The following LOXL3 variants were observed in gnomAD, a reference collection of about 807,000 sequenced individuals.
The protein encoded by LOXL3 is lysyl oxidase like 3, also known as lysyl oxidase homolog 3.
A neutral mutation model predicts 91.8 loss-of-function variants in LOXL3; 60 were observed. The observed-to-expected ratio is 0.65, with a 90% CI of 0.53 to 0.81. LOXL3 has a LOEUF of 0.81. LOXL3 is among the 30% of genes least tolerant of loss of function. The pLI is 0.00. For synonymous variants in LOXL3, 355 were observed against 387.6 expected, an observed-to-expected ratio of 0.92 and a Z score of 0.99; for missense variants, 874 against 1,000.4, an observed-to-expected ratio of 0.87 and a Z score of 1.70.
Position 74,533,227 on chromosome 2 carries a change from AAGGCTAG to A in LOXL3, c.*372_*378del, listed in dbSNP as rs1247716659. 1 of 564,600 alleles carries A rather than the reference AAGGCTAG, an allele frequency of 1.8e-6. No individual in the cohort carries two copies. Among genetic ancestry groups the A allele is most frequent in the Non-Finnish European group, 3.1e-6 (1 of 318,114 alleles). The allele number at this position is 564,600 out of a possible 1,614,324, so 35.0% of individuals were successfully genotyped here. On this transcript the variant is annotated 3_prime_UTR_variant, in exon 14 of 14. Coordinates refer to ENST00000264094, the MANE Select transcript of LOXL3 (RefSeq NM_032603.5). ...AGGGCTGGATCTTTTCCCCCACCAA[AAGGCTAG>A]AGGTAAAGCTGTATCCCCCTAAACT...
chr2:74,536,557 G>T lies in LOXL3; in HGVS notation c.913-86C>A. ...AGACCTGGGAGATGAGTGAGACTTT[G>T]GTGGAAGGGAGTGGGTGGTATCAGG... On this transcript the variant is annotated intron_variant, in intron 5 of 13. Transcript: ENST00000264094. The surrounding 1 kb of genome is among the most constrained non-coding windows in gnomAD (Gnocchi z 4.5). 6.7e-7 allele frequency: 1 copy of T among 1,486,760 alleles called. No individual in the cohort carries two copies. Among genetic ancestry groups the T allele is most frequent in the Non-Finnish European group, 9.1e-7 (1 of 1,093,250 alleles). The allele number at this position is 1,486,760 out of a possible 1,614,324, so 92.1% of individuals were successfully genotyped here. A position where few individuals can be genotyped will look rare whatever the true frequency, so the allele number is the denominator to read the frequency against.
At position 74,533,015 on chromosome 2, in the gene LOXL3, T is replaced by C. The variant is rs962099375; in HGVS notation, c.*591A>G. On this transcript the variant is annotated 3_prime_UTR_variant, in exon 14 of 14. Coordinates refer to ENST00000264094, the MANE Select transcript of LOXL3 (RefSeq NM_032603.5). ...ATCACCAAGAGTATGAGGCTCCTGC[T>C]CTGATTTCCTCCTTGCCTTTCTGGC... 6.2e-7 allele frequency: 1 copy of C among 1,608,282 alleles called. No homozygotes were observed. Among genetic ancestry groups the C allele is most frequent in the Non-Finnish European group, 8.5e-7 (1 of 1,175,674 alleles).
chr2:74,541,473 G>T (rs1676319177), intron 4 of LOXL3, among the ~76,000 whole-genome samples: 1 of 152,254 alleles, frequency 6.6e-6, no homozygotes, highest in African/African-American at 2.4e-5. Flanking sequence ...TGTCCAAAGT[G>T]TTGGACATTC....
chr2:74,536,228 G>A lies in LOXL3; in HGVS notation c.1093+63C>T, dbSNP rs1250417366. ...CCCAGGGGACACCTAACCTTCCGAAGGAATATGCCCCCCAGGAGCATGTAC... is the reference window on the plus strand; with the variant it reads ...CCCAGGGGACACCTAACCTTCCGAAAGAATATGCCCCCCAGGAGCATGTAC... On this transcript the variant is annotated intron_variant, in intron 6 of 13. Coordinates refer to ENST00000264094, the MANE Select transcript of LOXL3 (RefSeq NM_032603.5). This position sits in a 1 kb window ranked among gnomAD's most constrained non-coding sequence, Gnocchi z 4.5. 1.2e-6 allele frequency: 2 copies of A among 1,612,134 alleles called. No homozygotes were observed. The highest frequency in any genetic ancestry group is 1.7e-6 in the Non-Finnish European group (2 of 1,179,660).
chr2:74,549,871 A>G lies in LOXL3; in HGVS notation c.478-288T>C. On this transcript the variant is annotated intron_variant, in intron 3 of 13. Coordinates refer to ENST00000264094, the MANE Select transcript of LOXL3 (RefSeq NM_032603.5). The surrounding 1 kb of genome is among the most constrained non-coding windows in gnomAD (Gnocchi z 5.3). ...GCACTTCAAAAAGGAAATGGCTTTGAAGGAGGAGAAAGTCAGAAGGAAGAT... is the reference window on the plus strand; with the variant it reads ...GCACTTCAAAAAGGAAATGGCTTTGGAGGAGGAGAAAGTCAGAAGGAAGAT... 3.0e-6 allele frequency: 3 copies of G among 985,462 alleles called. No individual in the cohort carries two copies. The highest frequency in any genetic ancestry group is 3.6e-6 in the Non-Finnish European group (3 of 829,930). The allele number at this position is 985,462 out of a possible 1,614,324, so 61.0% of individuals were successfully genotyped here. A position where few individuals can be genotyped will look rare whatever the true frequency, so the allele number is the denominator to read the frequency against.
chr2:74,536,525 G>A lies in LOXL3; in HGVS notation c.913-54C>T, dbSNP rs1236450785. The A allele has an allele frequency of 2.6e-6, 4 of 1,559,392 alleles. No homozygotes were observed. The East Asian group carries it at 7.0e-5, about 27-fold the overall frequency. On this transcript the variant is annotated intron_variant, in intron 5 of 13. Transcript: ENST00000264094. This position sits in a 1 kb window ranked among gnomAD's most constrained non-coding sequence, Gnocchi z 4.5. ...GCAAATGGCAACATCTGCACGGAGG[G>A]CTAAGCAGACCTGGGAGATGAGTGA... is the stretch of plus-strand genomic sequence containing the variant.
intron 2 of LOXL3, among the ~76,000 whole-genome samples, chr2:74,550,934 GT>G (rs1030182702): frequency 0.012 from 1,638 of 135,310 alleles, 20 homozygotes; most frequent in African/African-American, 0.035. Context: ...TCTGAAACCT[GT>G]TTTTTTTTTT....
At chr2:74,543,113 CTTA>C (rs1004469946) in intron 4 of LOXL3, among the ~76,000 whole-genome samples, 7 of 152,108 alleles carry the variant, frequency 4.6e-5, no homozygotes, top group African/African-American at 1.7e-4. Context: ...CCTAATTCTG[CTTA>C]TTATTATTAT....
rs751700577 is a variant in LOXL3, at chr2:74,535,466, T to C, written c.1417-12A>G. ...CAGTACCAGGTCTCCTGGGGACATA[T>C]GCAGATGTTTCTGTAAGGCCCAGGA... On this transcript the variant is annotated splice_polypyrimidine_tract_variant and intron_variant, in intron 8 of 13. Coordinates refer to ENST00000264094, the MANE Select transcript of LOXL3 (RefSeq NM_032603.5). The surrounding 1 kb of genome is among the most constrained non-coding windows in gnomAD (Gnocchi z 4.2). 2.5e-6 allele frequency: 4 copies of C among 1,613,702 alleles called. No individual in the cohort carries two copies. The highest frequency in any genetic ancestry group is 3.4e-6 in the Non-Finnish European group (4 of 1,180,024).
chr2:74,555,095 CG>C, upstream of LOXL3: 1 of 1,547,770 alleles, frequency 6.5e-7, no homozygotes, highest in Non-Finnish European at 8.7e-7. This position sits in a 1 kb window ranked among gnomAD's most constrained non-coding sequence, Gnocchi z 6.1. Context: ...CCTTCCCCGT[CG>C]GGACCCGGGC....
chr2:74,555,325 G>A (rs779513977), upstream of LOXL3: 1 of 1,613,992 alleles, frequency 6.2e-7, no homozygotes, highest in Non-Finnish European at 8.5e-7. This position sits in a 1 kb window ranked among gnomAD's most constrained non-coding sequence, Gnocchi z 6.1. Flanking sequence ...CCCCGTCACC[G>A]TGGAGACCCC....
In LOXL3 at chr2:74,549,778, T is replaced by C. The variant is rs1427669817; in HGVS notation, c.478-195A>G. The C allele has an allele frequency of 2.8e-6, 4 of 1,424,774 alleles. No individual in the cohort carries two copies. In the African/African-American group the frequency reaches 5.8e-5, roughly 21 times the overall value. 88.3% of individuals were successfully genotyped at this position (1,424,774 alleles called of 1,614,324 possible). A position where few individuals can be genotyped will look rare whatever the true frequency, so the allele number is the denominator to read the frequency against. On this transcript the variant is annotated intron_variant, in intron 3 of 13. Coordinates refer to ENST00000264094, the MANE Select transcript of LOXL3 (RefSeq NM_032603.5). This position sits in a 1 kb window ranked among gnomAD's most constrained non-coding sequence, Gnocchi z 5.3. ...CTTGCAGCCAGCAGCGCGTGGGATG[T>C]GCTGTGCTCCCAGAGAGGATTCAGG...
At position 74,552,304 on chromosome 2, in the gene LOXL3, G is replaced by A. The variant is rs778123762; in HGVS notation, c.313+18C>T. The A allele has an allele frequency of 4.6e-5, 73 of 1,585,172 alleles. No individual in the cohort carries two copies. In the Admixed American group the frequency reaches 1.2e-3, roughly 26 times the overall value. On this transcript the variant is annotated intron_variant, in intron 2 of 13. Transcript: ENST00000264094. Reference sequence around the variant, plus strand: ...CACACATAGGAAATATCTAGGATATGCCTGGATCATTGCTCACCTGTTCCA... The same window carrying A: ...CACACATAGGAAATATCTAGGATATACCTGGATCATTGCTCACCTGTTCCA...
chr2:74,550,434 G>T, intron 2 of LOXL3, 86 bp from the exon 3 acceptor site: 1 of 1,410,052 alleles, frequency 7.1e-7, no homozygotes, highest in Non-Finnish European at 9.7e-7. Flanking sequence ...TGAGTGCTGA[G>T]GCCTCCCACT....
Position 74,536,630 on chromosome 2 carries a change from G to C in LOXL3, c.912+79C>G. On this transcript the variant is annotated intron_variant, in intron 5 of 13. Coordinates refer to ENST00000264094, the MANE Select transcript of LOXL3 (RefSeq NM_032603.5). This position sits in a 1 kb window ranked among gnomAD's most constrained non-coding sequence, Gnocchi z 4.5. Reference sequence around the variant, plus strand: ...GCTCCTCTCTGTCCTCAAAGGTCAGGGCTGTGCTTAGTCTGGGGTTGCCAG... The same window carrying C: ...GCTCCTCTCTGTCCTCAAAGGTCAGCGCTGTGCTTAGTCTGGGGTTGCCAG... 2 of 1,521,272 alleles carry C rather than the reference G, an allele frequency of 1.3e-6. No individual in the cohort carries two copies. Among genetic ancestry groups the C allele is most frequent in the Non-Finnish European group, 1.8e-6 (2 of 1,106,062 alleles). The allele number at this position is 1,521,272 out of a possible 1,614,324, so 94.2% of individuals were successfully genotyped here.
Position 74,535,730 on chromosome 2 carries a change from T to C in LOXL3, c.1274A>G (p.Gln425Arg). The C allele has an allele frequency of 6.3e-7, 1 of 1,588,526 alleles. No homozygotes were observed. The change falls in exon 8 of 14, where the codon CAA (glutamine) becomes CGA (arginine). Residue 425 changes from glutamine to arginine, a missense_variant. Coordinates refer to ENST00000264094, the MANE Select transcript of LOXL3 (RefSeq NM_032603.5). This position sits in a 1 kb window ranked among gnomAD's most constrained non-coding sequence, Gnocchi z 4.2. ...TRIRLSGGRS[Q>R]HEGRVEVQIG... is the part of the protein sequence containing the mutation. Reference sequence around the variant, plus strand: ...TTGCACCTCGACTCGCCCCTCATGTTGGCTGCGGCCCCCACTGAGTCGGAT... The same window carrying C: ...TTGCACCTCGACTCGCCCCTCATGTCGGCTGCGGCCCCCACTGAGTCGGAT...
Position 74,549,626 on chromosome 2 carries a change from C to A in LOXL3, c.478-43G>T. The A allele has an allele frequency of 6.4e-7, 1 of 1,568,040 alleles. No homozygotes were observed. The highest frequency in any genetic ancestry group is 8.7e-7 in the Non-Finnish European group (1 of 1,150,562). The stretch of plus-strand genomic sequence containing the variant: ...AGCAGGGAAAGAATCCCAGTGGCAC[C>A]TTTCATGTGTCCCGCCGCCCTTAAG... On this transcript the variant is annotated intron_variant, in intron 3 of 13. Coordinates refer to ENST00000264094, the MANE Select transcript of LOXL3 (RefSeq NM_032603.5). The surrounding 1 kb of genome is among the most constrained non-coding windows in gnomAD (Gnocchi z 5.3).
In LOXL3 at chr2:74,549,130, GTCGGCCACGAGAGAGCGGGAGCC is replaced by G; in HGVS notation, c.692+216_692+238del. 1 of 387,028 alleles carries G rather than the reference GTCGGCCACGAGAGAGCGGGAGCC, an allele frequency of 2.6e-6. No individual in the cohort carries two copies. 24.0% of individuals were successfully genotyped at this position (387,028 alleles called of 1,614,324 possible). ...GAGGAATCCGCCTGCCCGCCCAGGC[GTCGGCCACGAGAGAGCGGGAGCC>G]TCGCTGGTCCCCATTTCAGGTACTC... On this transcript the variant is annotated intron_variant, in intron 4 of 13. Coordinates refer to ENST00000264094, the MANE Select transcript of LOXL3 (RefSeq NM_032603.5). The surrounding 1 kb of genome is among the most constrained non-coding windows in gnomAD (Gnocchi z 5.3).
upstream of LOXL3, chr2:74,554,665 G>A: frequency 7.4e-7 from 1 of 1,354,168 alleles, no homozygotes; most frequent in African/African-American, 1.5e-5. The surrounding 1 kb of genome is among the most constrained non-coding windows in gnomAD (Gnocchi z 4.9). Flanking sequence ...GGCCGGGGAG[G>A]GGCGGAAACT....
Sources: gnomAD v4.1 joint callset for allele counts (sites outside exome capture counted in the v4.1 genomes callset) on GRCh38, gnomAD v4.1.1 for gene constraint, Gnocchi (gnomAD v3.1) non-coding constraint, MANE v1.5 for transcripts, NCBI Gene and HGNC (gene_info 2026-07-23, HGNC 2026-07-21) for gene names.